SH3GL3: variants seen among roughly 807,000 people sequenced by gnomAD.
SH3GL3 encodes endophilin-A3.
In SH3GL3, 33 loss-of-function variants were observed where a neutral mutation model predicts 47.7. That is an observed-to-expected ratio of 0.69 (90% confidence interval 0.52 to 0.92). The LOEUF is 0.92. Among genes scored for constraint, SH3GL3 ranks in the 40% least tolerant of loss-of-function variants. SH3GL3 has a pLI of 0.00. For synonymous variants in SH3GL3, 155 were observed against 148.8 expected (o/e 1.04, Z -0.30); for missense variants, 363 against 417.8 (o/e 0.87, Z 1.14).
At chr15:83,510,689 C>T (rs2042709285) in intron 1 of SH3GL3, among the ~76,000 whole-genome samples, 1 of 151,866 alleles carries the variant, frequency 6.6e-6, no homozygotes, top group South Asian at 2.1e-4. Context: ...CTTGTAGAGG[C>T]ATGTGTGAGT....
At chr15:83,517,694 G>C (rs564846848) in intron 1 of SH3GL3, among the ~76,000 whole-genome samples, 1 of 152,152 alleles carries the variant, frequency 6.6e-6, no homozygotes, top group South Asian at 2.1e-4. Context: ...GCCCTTGTCG[G>C]TTTTATGTCA....
intron 1 of SH3GL3, among the ~76,000 whole-genome samples, chr15:83,449,097 A>G (rs1391566806): frequency 1.3e-5 from 2 of 152,178 alleles, no homozygotes; most frequent in Non-Finnish European, 2.9e-5. Context: ...AAAGTGAGAA[A>G]AGGCACAGCG....
intron 1 of SH3GL3, among the ~76,000 whole-genome samples, chr15:83,523,245 A>G (rs1378270012): frequency 6.6e-6 from 1 of 152,192 alleles, no homozygotes; most frequent in East Asian, 1.9e-4. Flanking sequence ...CTGCAATACA[A>G]ATGACATCTC....
At chr15:83,579,507 C>A (rs1208412663) in intron 6 of SH3GL3, among the ~76,000 whole-genome samples, 1 of 152,200 alleles carries the variant, frequency 6.6e-6, no homozygotes. Flanking sequence ...TCCCTCCTTC[C>A]TGCTTCCTGC....
intron 5 of SH3GL3, 34 bp from the exon 6 acceptor site, chr15:83,576,549 C>T: frequency 6.4e-7 from 1 of 1,550,538 alleles, no homozygotes; most frequent in Non-Finnish European, 8.7e-7. Context: ...TTGAATGTAG[C>T]ACCTCTCTGA....
At position 83,568,520 on chromosome 15, in the gene SH3GL3, G is replaced by A. The variant is rs2045662187; in HGVS notation, c.188-9G>A. ...ACTTTAAAGAATTACAAATGACAAT[G>A]TTTTTAAGCATACAGAGCTAAGCTA... On this transcript the variant is annotated splice_polypyrimidine_tract_variant and intron_variant, in intron 3 of 8. Transcript: ENST00000427482. 6.2e-7 allele frequency: 1 copy of A among 1,610,256 alleles called. No homozygotes were observed. The highest frequency in any genetic ancestry group is 8.5e-7 in the Non-Finnish European group (1 of 1,177,068).
chr15:83,451,007 C>G lies in SH3GL3; in HGVS notation c.45+3429C>G, dbSNP rs1595995036. On this transcript the variant is annotated intron_variant, in intron 1 of 8. Transcript: ENST00000427482. ...AGTGTGTTATTCCCCTTCCTGTGTCCATGTGATCTCATTGTTCAATTCCCA... is the reference window on the plus strand; with the variant it reads ...AGTGTGTTATTCCCCTTCCTGTGTCGATGTGATCTCATTGTTCAATTCCCA... Among the ~76,000 whole-genome samples the G allele has an allele frequency of 1.2e-4, 15 of 123,252 alleles. No homozygotes were observed. In the South Asian group the frequency reaches 4.8e-3, roughly 39 times the overall value. 80.9% of individuals were successfully genotyped at this position (123,252 alleles called of 152,430 possible).
At chr15:83,580,175 A>G (rs2059794816) in intron 6 of SH3GL3, among the ~76,000 whole-genome samples, 1 of 152,260 alleles carries the variant, frequency 6.6e-6, no homozygotes, top group East Asian at 1.9e-4. Flanking sequence ...TTGGTCACTC[A>G]ACCTCTTGTT....
rs577823175 is a variant in SH3GL3, at chr15:83,447,853, G to A, written c.45+275G>A. Among the ~76,000 whole-genome samples the A allele has an allele frequency of 1.1e-4, 16 of 152,248 alleles. No homozygotes were observed. The highest frequency in any genetic ancestry group is 6.8e-3 in the Middle Eastern group (2 of 294). Reference sequence around the variant, plus strand: ...AGCGGAGGGCAGAGGTGGCGGCCGCGGGGACTCGGGAGGCGGAGACGGAGT... The same window carrying A: ...AGCGGAGGGCAGAGGTGGCGGCCGCAGGGACTCGGGAGGCGGAGACGGAGT... On this transcript the variant is annotated intron_variant, in intron 1 of 8. Coordinates refer to ENST00000427482, the MANE Select transcript of SH3GL3 (RefSeq NM_003027.5). This position sits in a 1 kb window ranked among gnomAD's most constrained non-coding sequence, Gnocchi z 5.1.
intron 1 of SH3GL3, among the ~76,000 whole-genome samples, chr15:83,538,128 C>G (rs2044001938): frequency 6.6e-6 from 1 of 152,056 alleles, no homozygotes; most frequent in Non-Finnish European, 1.5e-5. Context: ...GATTTTTGTT[C>G]TCTTGAGTAT....
At chr15:83,595,374 T>C (rs1254134478) in intron 8 of SH3GL3, among the ~76,000 whole-genome samples, 2 of 151,794 alleles carry the variant, frequency 1.3e-5, no homozygotes, top group African/African-American at 4.8e-5. Context: ...GGGAGGAGGG[T>C]GAGAATTGAA....
At chr15:83,485,478 GTTTA>G (rs896090023) in intron 1 of SH3GL3, among the ~76,000 whole-genome samples, 21 of 152,068 alleles carry the variant, frequency 1.4e-4, no homozygotes, top group Admixed American at 2.6e-4. Flanking sequence ...AGTGTGTGAA[GTTTA>G]TTTATTCATT....
intron 1 of SH3GL3, among the ~76,000 whole-genome samples, chr15:83,535,740 T>C (rs926569764): frequency 4.6e-5 from 7 of 152,194 alleles, no homozygotes; most frequent in African/African-American, 1.4e-4. Context: ...AAAAACAAAA[T>C]ACCAGTCAGA....
intron 1 of SH3GL3, among the ~76,000 whole-genome samples, chr15:83,457,466 A>G (rs770979344): frequency 6.6e-6 from 1 of 152,350 alleles, no homozygotes; most frequent in Admixed American, 6.5e-5. Context: ...ATTAGCCAGA[A>G]AAATGATAAG....
intron 1 of SH3GL3, among the ~76,000 whole-genome samples, chr15:83,516,679 C>T (rs1230404347): frequency 6.6e-6 from 1 of 152,000 alleles, no homozygotes; most frequent in Non-Finnish European, 1.5e-5. Context: ...TCACTATGAC[C>T]AAGACAGCAC....
At chr15:83,594,508 C>G (rs1206167579) in intron 8 of SH3GL3, among the ~76,000 whole-genome samples, 2 of 152,192 alleles carry the variant, frequency 1.3e-5, no homozygotes, top group Non-Finnish European at 2.9e-5. Context: ...AAAGTCCACA[C>G]TTCATTCACA....
chr15:83,598,093 G>C (rs2060279529), intron 8 of SH3GL3, among the ~76,000 whole-genome samples: 1 of 152,164 alleles, frequency 6.6e-6, no homozygotes, highest in African/African-American at 2.4e-5. Flanking sequence ...GGGATGTTCT[G>C]TTGAGTGCAG....
intron 1 of SH3GL3, among the ~76,000 whole-genome samples, chr15:83,484,044 T>C (rs1206331090): frequency 1.3e-5 from 2 of 152,230 alleles, no homozygotes; most frequent in African/African-American, 2.4e-5. Flanking sequence ...TGGCTTACTA[T>C]ATCTTGATGC....
chr15:83,497,426 T>C (rs1489625811), intron 1 of SH3GL3, among the ~76,000 whole-genome samples: 3 of 152,106 alleles, frequency 2.0e-5, no homozygotes, highest in Admixed American at 6.5e-5. Flanking sequence ...TACCAATAAA[T>C]ATGGAGGGCT....
Sources: allele counts gnomAD v4.1 joint callset (sites outside exome capture counted in the v4.1 genomes callset), GRCh38; gene constraint gnomAD v4.1.1; non-coding constraint Gnocchi (gnomAD v3.1); transcripts MANE v1.5; gene names NCBI Gene and HGNC (gene_info 2026-07-23, HGNC 2026-07-21).